SLC2A2: variants seen among roughly 807,000 people sequenced by gnomAD.
SLC2A2 encodes solute carrier family 2 member 2.
A neutral mutation model predicts 54.5 loss-of-function variants in SLC2A2; 36 were observed. The ratio of observed to expected loss-of-function variants is 0.66; its 90% confidence interval spans 0.51 to 0.87. The LOEUF (loss-of-function observed/expected upper bound fraction) is 0.87, where lower values mean the gene tolerates loss of function less well. Ranked by LOEUF, SLC2A2 falls within the 40% of genes least tolerant of loss-of-function variation. The pLI is 0.00. For synonymous variants in SLC2A2, 223 were observed against 219.1 expected, an observed-to-expected ratio of 1.02 and a Z score of -0.16; for missense variants, 543 against 624.3, an observed-to-expected ratio of 0.87 and a Z score of 1.39.
chr3:171,015,239 T>G (rs1423594693), intron 2 of SLC2A2, among the ~76,000 whole-genome samples: 2 of 152,026 alleles, frequency 1.3e-5, no homozygotes, highest in Non-Finnish European at 2.9e-5. Context: ...GAGGCCGAGG[T>G]GGGCGGACTG....
chr3:170,998,018 G>A lies in SLC2A2; in HGVS notation c.1460C>T (p.Thr487Ile). Residue 487 changes from threonine (T) to isoleucine (I), a missense_variant, in exon 11 of 11, where the codon ACC (threonine) becomes ATC (isoleucine). Thr to Ile is a moderately conservative substitution (Grantham distance 89, BLOSUM62 -1). This residue lies in a region of SLC2A2 where 108 missense variants were observed against 101.3 expected (regional missense o/e 1.07). Transcript: ENST00000314251. ...TLFTFFKVPETKGKSFEEIAA... is the reference protein window; with the variant it reads ...TLFTFFKVPEIKGKSFEEIAA... ...AATTTCCTCAAAAGACTTTCCTTTG[G>A]TTTCTGGAACTTTAAAAAATGTGAA... 1.2e-6 allele frequency: 2 copies of A among 1,613,618 alleles called. No homozygotes were observed. Among genetic ancestry groups the A allele is most frequent in the Non-Finnish European group, 1.7e-6 (2 of 1,179,800 alleles).
At position 170,997,111 on chromosome 3, in the gene SLC2A2, C is replaced by CA. The variant is rs1292593778; in HGVS notation, c.*791dup. On this transcript the variant is annotated 3_prime_UTR_variant, in exon 11 of 11. Transcript: ENST00000314251. ...TTAAAAAGCAAAGCAAACTATAACT[C>CA]AAAGGATTGTACCAGAAGGGAATCA... 1 of 153,354 alleles carries CA rather than the reference C, an allele frequency of 6.5e-6. No individual in the cohort carries two copies. The highest frequency in any genetic ancestry group is 2.4e-5 in the African/African-American group (1 of 41,484). The allele number at this position is 153,354 out of a possible 1,614,324, so 9.5% of individuals were successfully genotyped here.
intron 7 of SLC2A2, among the ~76,000 whole-genome samples, chr3:171,004,779 G>C (rs1328351826): frequency 2.0e-5 from 3 of 152,062 alleles, no homozygotes; most frequent in African/African-American, 7.2e-5. Flanking sequence ...ACAATATCAT[G>C]CCAGTTTACT....
intron 3 of SLC2A2, 32 bp downstream of exon 3, chr3:171,014,437 T>A: frequency 6.2e-7 from 1 of 1,609,228 alleles, no homozygotes; most frequent in Non-Finnish European, 8.5e-7. Context: ...TATGAAAGTT[T>A]CTGTTTATGC....
intron 7 of SLC2A2, among the ~76,000 whole-genome samples, chr3:171,004,812 T>C (rs1444610358): frequency 6.6e-6 from 1 of 151,950 alleles, no homozygotes; most frequent in African/African-American, 2.4e-5. Flanking sequence ...TTGTGTGCTA[T>C]CTCCTCAAAT....
chr3:171,025,214 ACTATATAAATG>A (rs1716633124), intron 1 of SLC2A2, among the ~76,000 whole-genome samples: 1 of 151,842 alleles, frequency 6.6e-6, no homozygotes, highest in African/African-American at 2.4e-5. Context: ...TTAAATACAT[ACTATATAAATG>A]CTATATAAAT....
chr3:171,002,515 C>T (rs907953194), intron 8 of SLC2A2, 61 bp downstream of exon 8: 1 of 1,070,542 alleles, frequency 9.3e-7, no homozygotes, highest in Non-Finnish European at 1.4e-6. Flanking sequence ...AAGTTCCCCA[C>T]CCCTCCTGCA....
chr3:171,006,055 C>A lies in SLC2A2; in HGVS notation c.663G>T (p.Leu221=). The A allele has an allele frequency of 6.2e-7, 1 of 1,612,544 alleles. No individual in the cohort carries two copies. The highest frequency in any genetic ancestry group is 8.5e-7 in the Non-Finnish European group (1 of 1,179,048). Residue 221 remains leucine (L), a synonymous_variant, in exon 6 of 11, where the codon CTG becomes CTT. Coordinates refer to ENST00000314251, the MANE Select transcript of SLC2A2 (RefSeq NM_000340.2). ...TGGCTCGCACACCAGACAGGCCAAG[C>A]AGGATGTGCCACAGATCATAATTGC... ...ILGNYDLWHI[L]LGLSGVRAIL...
intron 1 of SLC2A2, among the ~76,000 whole-genome samples, chr3:171,024,305 C>T (rs534425225): frequency 2.0e-5 from 3 of 152,154 alleles, no homozygotes; most frequent in South Asian, 4.2e-4. Flanking sequence ...CATACTTTAC[C>T]GATACTCTTT....
chr3:170,999,201 T>C, intron 8 of SLC2A2, 35 bp from the exon 9 acceptor site: 1 of 1,377,446 alleles, frequency 7.3e-7, no homozygotes, highest in East Asian at 2.3e-5. Context: ...CTCAGTTTTG[T>C]GAGTCACAAA....
In SLC2A2 at chr3:171,018,561, A is replaced by G. The variant is rs1390568568; in HGVS notation, c.78T>C (p.Tyr26=). ...TAVLGSFQFG[Y]DIGVINAPQQ... Reference sequence around the variant, plus strand: ...GAGGTGCATTGATCACACCAATGTCATATCCAAACTGGAAGGAACCCAGCA... The same window carrying G: ...GAGGTGCATTGATCACACCAATGTCGTATCCAAACTGGAAGGAACCCAGCA... The change falls in exon 2 of 11, where the codon TAT becomes TAC. Residue 26 remains tyrosine, a synonymous_variant. Coordinates refer to ENST00000314251, the MANE Select transcript of SLC2A2 (RefSeq NM_000340.2). 1.2e-6 allele frequency: 2 copies of G among 1,613,820 alleles called. No homozygotes were observed. Among genetic ancestry groups the G allele is most frequent in the Non-Finnish European group, 8.5e-7 (1 of 1,179,794 alleles).
intron 3 of SLC2A2, among the ~76,000 whole-genome samples, chr3:171,013,431 C>A (rs1715980710): frequency 6.6e-6 from 1 of 151,870 alleles, no homozygotes; most frequent in Admixed American, 6.6e-5. Context: ...GAGAAAACTC[C>A]ATTTCAAATA....
At position 171,014,654 on chromosome 3, in the gene SLC2A2, G is replaced by C; in HGVS notation, c.186C>G (p.Asn62Lys). The C allele has an allele frequency of 6.2e-7, 1 of 1,613,990 alleles. No individual in the cohort carries two copies. The highest frequency in any genetic ancestry group is 8.5e-7 in the Non-Finnish European group (1 of 1,179,860). ...DRKAINNYVI[N>K]STDELPTISY... Reference sequence around the variant, plus strand: ...AGATTGTGGGCAGTTCATCTGTACTGTTGATAACATAGTTGTTGATAGCTT... The same window carrying C: ...AGATTGTGGGCAGTTCATCTGTACTCTTGATAACATAGTTGTTGATAGCTT... The change falls in exon 3 of 11, where the codon AAC (asparagine) becomes AAG (lysine). Residue 62 changes from asparagine (N) to lysine (K), a missense_variant. Asn to Lys is a moderately conservative substitution (Grantham distance 94). This residue lies in a region of SLC2A2 where 318 missense variants were observed against 343.8 expected (regional missense o/e 0.93). Coordinates refer to ENST00000314251, the MANE Select transcript of SLC2A2 (RefSeq NM_000340.2).
chr3:170,998,983 CA>C, intron 9 of SLC2A2, 81 bp downstream of exon 9: 1 of 866,060 alleles, frequency 1.2e-6, no homozygotes, highest in Admixed American at 1.7e-5. Flanking sequence ...TTTTTGAATA[CA>C]AAGCACTTTA....
In SLC2A2 at chr3:171,005,332, C is replaced by T; in HGVS notation, c.916G>A (p.Val306Met). The T allele has an allele frequency of 6.2e-7, 1 of 1,613,040 alleles. No individual in the cohort carries two copies. Among genetic ancestry groups the T allele is most frequent in the South Asian group, 1.1e-5 (1 of 91,066 alleles). The change falls in exon 7 of 11, where the codon GTG becomes ATG. Residue 306 changes from valine (V) to methionine (M), a missense_variant. Val to Met is a conservative substitution (Grantham distance 21, BLOSUM62 1). Transcript: ENST00000314251. ...TNSSYRQPIL[V>M]ALMLHVAQQF... ...TGAGCCACATGCAGCATCAGTGCCACTAGAATAGGCTGTCGGTAGCTGGAA... is the reference window on the plus strand; with the variant it reads ...TGAGCCACATGCAGCATCAGTGCCATTAGAATAGGCTGTCGGTAGCTGGAA...
chr3:171,024,718 TTA>T (rs1716607402), intron 1 of SLC2A2, among the ~76,000 whole-genome samples: 1 of 152,156 alleles, frequency 6.6e-6, no homozygotes, highest in Non-Finnish European at 1.5e-5. Flanking sequence ...GCCAAGTTGT[TTA>T]TGTCATTTGT....
At chr3:171,020,476 T>C (rs1167133522) in intron 1 of SLC2A2, among the ~76,000 whole-genome samples, 2 of 152,120 alleles carry the variant, frequency 1.3e-5, no homozygotes, top group Non-Finnish European at 2.9e-5. Context: ...AACACTTCTT[T>C]CTCTGAAAGA....
rs535910122 is a variant in SLC2A2, at chr3:171,009,422, A to G, written c.496+536T>C. 1.2e-3 allele frequency among the ~76,000 whole-genome samples: 180 copies of G among 152,132 alleles called. 1 individual carries two copies. Among genetic ancestry groups the G allele is most frequent in the Middle Eastern group, 6.8e-3 (2 of 294 alleles). ...CATACAGGGCTGGGGAATGTGGTCT[A>G]AGAGATGGGTTCAGAGTGTTAAGGT... On this transcript the variant is annotated intron_variant, in intron 4 of 10. Transcript: ENST00000314251.
chr3:171,009,276 A>G (rs1715762753), intron 4 of SLC2A2, among the ~76,000 whole-genome samples: 1 of 152,102 alleles, frequency 6.6e-6, no homozygotes, highest in Non-Finnish European at 1.5e-5. Context: ...TATTCAGAAT[A>G]AAGTTTGTGG....
Sources: allele counts gnomAD v4.1 joint callset (sites outside exome capture counted in the v4.1 genomes callset), GRCh38; gene constraint gnomAD v4.1.1; regional missense constraint gnomAD v4.1.1; transcripts MANE v1.5; gene names NCBI Gene and HGNC (gene_info 2026-07-23, HGNC 2026-07-21).